CHODL: variants seen among roughly 807,000 people sequenced by gnomAD.
CHODL encodes chondrolectin.
A neutral mutation model predicts 34.5 loss-of-function variants in CHODL; 29 were observed. The ratio of observed to expected loss-of-function variants is 0.84; its 90% CI spans 0.63 to 1.15. The LOEUF is 1.15. Ranked by LOEUF, CHODL falls within the 50% of genes most tolerant of loss-of-function variation. The probability of loss-of-function intolerance (pLI) is 0.00; values close to 1 mark genes in which losing one functional copy is unlikely to be tolerated. For missense variants in CHODL, 332 were observed against 332.5 expected, an observed-to-expected ratio of 1.00 and a Z score of 0.01; for synonymous variants, 125 against 116.1, an observed-to-expected ratio of 1.08 and a Z score of -0.49.
chr21:17,999,229 C>T (rs1260555792), intron 1 of CHODL, among the ~76,000 whole-genome samples: 1 of 152,216 alleles, frequency 6.6e-6, no homozygotes, highest in Non-Finnish European at 1.5e-5. Flanking sequence ...GCAAGTTCCT[C>T]ATCTCCATCT....
intron 2 of CHODL, among the ~76,000 whole-genome samples, chr21:18,225,334 A>G (rs1342188473): frequency 1.3e-5 from 2 of 152,172 alleles, no homozygotes; most frequent in Non-Finnish European, 2.9e-5. Flanking sequence ...AGTGTGTAAC[A>G]AAAGTGTTTG....
At chr21:18,129,064 A>G (rs2072618616) in intron 2 of CHODL, among the ~76,000 whole-genome samples, 1 of 151,966 alleles carries the variant, frequency 6.6e-6, no homozygotes, top group Non-Finnish European at 1.5e-5. Context: ...TAATTTTTTA[A>G]AAACCTATTT....
At chr21:18,055,611 A>C (rs1276186909) in intron 2 of CHODL, among the ~76,000 whole-genome samples, 1 of 152,066 alleles carries the variant, frequency 6.6e-6, no homozygotes, top group Non-Finnish European at 1.5e-5. Context: ...CACAGTTAGC[A>C]TATCCGGCAG....
chr21:18,027,965 C>T (rs2064193932), exon 2 of CHODL: 4 of 152,516 alleles, frequency 2.6e-5, no homozygotes, highest in Non-Finnish European at 5.9e-5. Flanking sequence ...TTCTAGCCTC[C>T]AGAACTGTAA....
intron 1 of CHODL, among the ~76,000 whole-genome samples, chr21:17,923,977 G>A (rs2063203965): frequency 6.6e-6 from 1 of 152,204 alleles, no homozygotes; most frequent in African/African-American, 2.4e-5. Flanking sequence ...TTGACATGCT[G>A]TTCTTCCCCT....
chr21:18,248,689 A>G (rs1238563162), intron 1 of CHODL, among the ~76,000 whole-genome samples: 2 of 120,818 alleles, frequency 1.7e-5, no homozygotes, highest in Non-Finnish European at 3.2e-5. Context: ...TGTATATATT[A>G]TATACATATA....
At chr21:18,119,865 A>G (rs1679498817) in intron 2 of CHODL, among the ~76,000 whole-genome samples, 1 of 152,172 alleles carries the variant, frequency 6.6e-6, no homozygotes, top group African/African-American at 2.4e-5. Flanking sequence ...CATCCAGTTC[A>G]CTTGTGGCAG....
chr21:18,069,330 C>T (rs950521389), intron 2 of CHODL, among the ~76,000 whole-genome samples: 23 of 152,008 alleles, frequency 1.5e-4, no homozygotes, highest in African/African-American at 5.3e-4. Context: ...TTCCTTTACT[C>T]GAAAATCCCA....
intron 2 of CHODL, among the ~76,000 whole-genome samples, chr21:18,179,960 G>A (rs2073362494): frequency 6.6e-6 from 1 of 152,028 alleles, no homozygotes; most frequent in Non-Finnish European, 1.5e-5. Flanking sequence ...AAGGGTATGG[G>A]CTCTAGTGAT....
chr21:17,993,158 A>C (rs2063814695), intron 1 of CHODL, among the ~76,000 whole-genome samples: 1 of 151,956 alleles, frequency 6.6e-6, no homozygotes, highest in Non-Finnish European at 1.5e-5. Context: ...ATTCAGTATG[A>C]TATTAGCTGC....
intron 1 of CHODL, among the ~76,000 whole-genome samples, chr21:18,246,300 A>G (rs2074140920): frequency 6.6e-6 from 1 of 152,194 alleles, no homozygotes; most frequent in African/African-American, 2.4e-5. Flanking sequence ...TTTAAAACAT[A>G]AAAAGCACAA....
chr21:18,119,428 A>C (rs1371503354), intron 2 of CHODL, among the ~76,000 whole-genome samples: 1 of 152,154 alleles, frequency 6.6e-6, no homozygotes, highest in Admixed American at 6.6e-5. Context: ...CACAAGCTGC[A>C]TGTACTGTAG....
At chr21:18,094,921 C>G (rs1010640892) in intron 2 of CHODL, among the ~76,000 whole-genome samples, 1 of 151,910 alleles carries the variant, frequency 6.6e-6, no homozygotes, top group Non-Finnish European at 1.5e-5. Flanking sequence ...GTTAGGAGTT[C>G]AAGACCAGGC....
intron 1 of CHODL, among the ~76,000 whole-genome samples, chr21:17,921,967 T>C (rs1218184325): frequency 6.7e-6 from 1 of 148,188 alleles, no homozygotes; most frequent in Non-Finnish European, 1.5e-5. Context: ...AATTGACAGA[T>C]TGTCCAGATT....
At chr21:18,145,690 A>G (rs1161363739) in intron 2 of CHODL, among the ~76,000 whole-genome samples, 1 of 152,160 alleles carries the variant, frequency 6.6e-6, no homozygotes, top group Non-Finnish European at 1.5e-5. Flanking sequence ...AAGACTTCAT[A>G]AAGAATCTCA....
At chr21:17,927,214 A>T (rs1447343001) in intron 1 of CHODL, among the ~76,000 whole-genome samples, 1 of 149,792 alleles carries the variant, frequency 6.7e-6, no homozygotes, top group Non-Finnish European at 1.5e-5. Flanking sequence ...GTGTGTATAT[A>T]TATATATCCC....
intron 1 of CHODL, among the ~76,000 whole-genome samples, chr21:17,917,674 G>C (rs1008325032): frequency 6.6e-6 from 1 of 152,096 alleles, no homozygotes; most frequent in African/African-American, 2.4e-5. Context: ...ACCTGGCAGT[G>C]CCTTCTATTG....
chr21:17,937,441 C>T (rs2063327771), intron 1 of CHODL, among the ~76,000 whole-genome samples: 1 of 152,208 alleles, frequency 6.6e-6, no homozygotes, highest in Non-Finnish European at 1.5e-5. Context: ...AGATCAAGCT[C>T]ACAGTGAACA....
At chr21:17,970,891 A>C (rs2063608873) in intron 1 of CHODL, among the ~76,000 whole-genome samples, 1 of 149,376 alleles carries the variant, frequency 6.7e-6, no homozygotes. Context: ...CCTAGCCCCC[A>C]CCCCCCAACA....
Sources: allele counts gnomAD v4.1 joint callset (sites outside exome capture counted in the v4.1 genomes callset), GRCh38; gene constraint gnomAD v4.1.1; transcripts MANE v1.5; gene names NCBI Gene and HGNC (gene_info 2026-07-23, HGNC 2026-07-21).